SCN1A: variants seen among roughly 807,000 people sequenced by gnomAD.
SCN1A encodes sodium channel protein type 1 subunit alpha.
In SCN1A, 13 loss-of-function variants were observed where a neutral mutation model predicts 193.7. That is an observed-to-expected ratio of 0.07 (90% CI 0.04 to 0.11). SCN1A has a LOEUF of 0.11. Ranked by LOEUF, SCN1A falls within the 10% of genes least tolerant of loss-of-function variation. The probability of loss-of-function intolerance (pLI) is 1.00; values close to 1 mark genes in which losing one functional copy is unlikely to be tolerated. For missense variants in SCN1A, 1,432 were observed against 2,451.1 expected (o/e 0.58, Z 8.78); for synonymous variants, 781 against 843.6 (o/e 0.93, Z 1.29).
At chr2:166,081,184 C>T (rs899356431) in intron 2 of SCN1A, among the ~76,000 whole-genome samples, 1 of 151,832 alleles carries the variant, frequency 6.6e-6, no homozygotes, top group Non-Finnish European at 1.5e-5. Flanking sequence ...GATGGAGGAG[C>T]TTTATTTAAA....
At chr2:166,029,881 C>T (rs1371529409) in intron 19 of SCN1A, among the ~76,000 whole-genome samples, 1 of 152,100 alleles carries the variant, frequency 6.6e-6, no homozygotes, top group East Asian at 1.9e-4. Context: ...AGACTAAGTG[C>T]TCTCTAAGTA....
intron 21 of SCN1A, among the ~76,000 whole-genome samples, chr2:166,013,139 A>C (rs1171110537): frequency 6.6e-6 from 1 of 151,468 alleles, no homozygotes; most frequent in East Asian, 1.9e-4. Flanking sequence ...TAGTTTTATA[A>C]ATAATTTTCC....
In SCN1A at chr2:166,139,659, T is replaced by C. The variant is rs187097899; in HGVS notation, c.-50+9388A>G. Among the ~76,000 whole-genome samples, 303 of 152,260 alleles carry C rather than the reference T, an allele frequency of 2.0e-3. 5 individuals carry two copies. The highest frequency in any genetic ancestry group is 5.6e-4 in the Non-Finnish European group (38 of 68,024). On this transcript the variant is annotated intron_variant, in intron 1 of 26. Transcript: ENST00000635750. ...AGACATACCTGAGACTGGGTAATCA[T>C]GGCAGAAGATGAAAGGCACATCTTA...
At chr2:166,106,182 G>C (rs552039496) in intron 2 of SCN1A, among the ~76,000 whole-genome samples, 2 of 152,120 alleles carry the variant, frequency 1.3e-5, no homozygotes, top group African/African-American at 4.8e-5. Context: ...GCGAGACTCC[G>C]TCTCAAAACA....
rs148021031 is a variant in SCN1A at position 166,041,736 on chromosome 2, G to A, written c.2177-267C>T. Among the ~76,000 whole-genome samples the A allele has an allele frequency of 2.0e-5, 3 of 152,316 alleles. No homozygotes were observed. In the East Asian group the frequency reaches 5.8e-4, roughly 29 times the overall value. Reference sequence around the variant, plus strand: ...CTCAGCACTTGGCCTCAAGTTAAATGAGTGGTCTTTCATGTGACGTCTCAA... The same window carrying A: ...CTCAGCACTTGGCCTCAAGTTAAATAAGTGGTCTTTCATGTGACGTCTCAA... On this transcript the variant is annotated intron_variant, in intron 15 of 28. Coordinates refer to ENST00000674923, the MANE Select transcript of SCN1A (RefSeq NM_001165963.4).
chr2:166,055,400 G>T (rs1574285664), intron 6 of SCN1A, among the ~76,000 whole-genome samples: 1 of 151,706 alleles, frequency 6.6e-6, no homozygotes, highest in Non-Finnish European at 1.5e-5. Context: ...GAAAACTAGG[G>T]CGACTGAAAA....
intron 2 of SCN1A, among the ~76,000 whole-genome samples, chr2:166,102,028 G>A (rs1688138820): frequency 6.6e-6 from 1 of 152,076 alleles, no homozygotes; most frequent in South Asian, 2.1e-4. Flanking sequence ...AAATCAACAA[G>A]TGAAAAACAA....
At chr2:166,072,800 C>T (rs1248514813) in intron 4 of SCN1A, among the ~76,000 whole-genome samples, 3 of 147,500 alleles carry the variant, frequency 2.0e-5, no homozygotes, top group Non-Finnish European at 4.4e-5. Context: ...TTCCTTCCTT[C>T]CTTCCTTCCT....
At chr2:166,044,720 CA>C (rs1697587464) in intron 13 of SCN1A, among the ~76,000 whole-genome samples, 1 of 67,534 alleles carries the variant, frequency 1.5e-5, no homozygotes, top group African/African-American at 7.4e-5. Flanking sequence ...CGGAGTTCCA[CA>C]TTTTTTTTTT....
At chr2:166,028,449 T>C (rs541322802) in intron 19 of SCN1A, among the ~76,000 whole-genome samples, 2 of 152,256 alleles carry the variant, frequency 1.3e-5, no homozygotes, top group African/African-American at 4.8e-5. Context: ...ACTGGGCAAA[T>C]AAACTGTATA....
intron 19 of SCN1A, among the ~76,000 whole-genome samples, chr2:166,023,434 A>G (rs536110921): frequency 5.8e-4 from 89 of 152,374 alleles, no homozygotes; most frequent in Non-Finnish European, 1.2e-3. Context: ...CTTTGCTCAA[A>G]TAATTCTTCC....
intron 17 of SCN1A, among the ~76,000 whole-genome samples, chr2:166,038,587 C>T: frequency 6.6e-6 from 1 of 152,150 alleles, no homozygotes; most frequent in Non-Finnish European, 1.5e-5. Context: ...ATCCAACTGC[C>T]TCAGTCTCCC....
At chr2:166,047,116 T>A (rs1374713084) in intron 11 of SCN1A, 140 bp from the exon 12 acceptor site, 12 of 921,032 alleles carry the variant, frequency 1.3e-5, no homozygotes, top group South Asian at 3.4e-5. Flanking sequence ...ACTTTTTTTT[T>A]ATTGTTTCTT....
Position 166,073,212 on chromosome 2 carries a change from G to C in SCN1A, c.264+146C>G, listed in dbSNP as rs1458677888. ...TAATCAATTCATTTCTCATGTATAT[G>C]CATAAACCACCCACAAATGTGTTTC... On this transcript the variant is annotated intron_variant, in intron 4 of 28. Transcript: ENST00000674923. 7.8e-6 allele frequency: 7 copies of C among 895,838 alleles called. No individual in the cohort carries two copies. The East Asian group carries it at 1.8e-4, about 23-fold the overall frequency. The allele number at this position is 895,838 out of a possible 1,614,324, so 55.5% of individuals were successfully genotyped here. A position where few individuals can be genotyped will look rare whatever the true frequency, so the allele number is the denominator to read the frequency against.
At chr2:166,141,768 A>G (rs913903179) in intron 1 of SCN1A, among the ~76,000 whole-genome samples, 1 of 150,600 alleles carries the variant, frequency 6.6e-6, no homozygotes. Context: ...GCGGATGTAT[A>G]CATTTCTTTA....
At chr2:166,020,192 G>C (rs1035844839) in intron 19 of SCN1A, among the ~76,000 whole-genome samples, 1 of 152,128 alleles carries the variant, frequency 6.6e-6, no homozygotes, top group Non-Finnish European at 1.5e-5. Flanking sequence ...TTACAGGCGT[G>C]ATCCACCACG....
intron 23 of SCN1A, 53 bp from the exon 24 acceptor site, chr2:166,002,806 G>A: frequency 2.0e-6 from 3 of 1,481,946 alleles, no homozygotes; most frequent in Non-Finnish European, 2.7e-6. Context: ...TGTTAATAAA[G>A]AAAAAAAATT....
chr2:166,047,874 A>G, intron 10 of SCN1A, 106 bp from the exon 11 acceptor site: 1 of 1,471,932 alleles, frequency 6.8e-7, no homozygotes, highest in Non-Finnish European at 9.4e-7. Context: ...TTTCAAAATA[A>G]AAGTTTGACA....
rs372766407 is a variant in SCN1A, at chr2:166,031,629, A to C, written c.3429+4419T>G. On this transcript the variant is annotated intron_variant, in intron 19 of 28. Coordinates refer to ENST00000674923, the MANE Select transcript of SCN1A (RefSeq NM_001165963.4). ...AGGGCAAAAGGCAAACAACAAAAAA[A>C]GACAAATAGTGGAGTATGTTACCAG... 7.2e-4 allele frequency among the ~76,000 whole-genome samples: 109 copies of C among 152,304 alleles called. 2 individuals carry two copies. The South Asian group carries it at 0.022, about 31-fold the overall frequency.
Sources: allele counts gnomAD v4.1 joint callset (sites outside exome capture counted in the v4.1 genomes callset), GRCh38; gene constraint gnomAD v4.1.1; transcripts MANE v1.5; gene names NCBI Gene and HGNC (gene_info 2026-07-23, HGNC 2026-07-21).